EVI5: variants seen among roughly 807,000 people sequenced by gnomAD.
The protein encoded by EVI5 is ecotropic viral integration site 5, also known as ecotropic viral integration site 5 protein homolog.
A neutral mutation model predicts 112.0 loss-of-function variants in EVI5; 73 were observed. The ratio of observed to expected loss-of-function variants is 0.65; its 90% CI spans 0.54 to 0.79. EVI5 has a LOEUF of 0.79. Ranked by LOEUF, EVI5 falls within the 30% of genes least tolerant of loss-of-function variation. The probability of loss-of-function intolerance (pLI) is 0.00; values close to 1 mark genes in which losing one functional copy is unlikely to be tolerated. For synonymous variants in EVI5, 305 were observed against 319.9 expected (o/e 0.95, Z 0.50); for missense variants, 900 against 968.8 (o/e 0.93, Z 0.94).
chr1:92,717,785 G>A (rs1039095161), intron 2 of EVI5, among the ~76,000 whole-genome samples: 2 of 151,936 alleles, frequency 1.3e-5, no homozygotes, highest in African/African-American at 4.8e-5. Flanking sequence ...TCAGTGTGCT[G>A]TATTCAGAAG....
chr1:92,669,845 T>C (rs545382157), intron 10 of EVI5, among the ~76,000 whole-genome samples: 21 of 152,202 alleles, frequency 1.4e-4, no homozygotes, highest in Admixed American at 1.1e-3. Flanking sequence ...TTTTCTAGAA[T>C]AGAGTGCTTC....
intron 18 of EVI5, among the ~76,000 whole-genome samples, chr1:92,589,334 A>G (rs1430106892): frequency 1.3e-5 from 2 of 152,190 alleles, no homozygotes; most frequent in East Asian, 1.9e-4. Context: ...TCACCAGGGA[A>G]GCACAAGGGG....
intron 19 of EVI5, among the ~76,000 whole-genome samples, chr1:92,552,122 G>GAAAAAA (rs143454054): frequency 1.6e-5 from 2 of 123,158 alleles, no homozygotes; most frequent in African/African-American, 3.1e-5. Context: ...GGGCTGTAGG[G>GAAAAAA]AAAAAAAAAA....
At position 92,574,409 on chromosome 1, in the gene EVI5, T is replaced by C. The variant is rs1022079186; in HGVS notation, c.2071-10672A>G. Among the ~76,000 whole-genome samples, 5 of 152,154 alleles carry C rather than the reference T, an allele frequency of 3.3e-5. No homozygotes were observed. In the South Asian group the frequency reaches 6.2e-4, roughly 19 times the overall value. ...ACATACCACTTAAAAAGTTGAACAA[T>C]TAAATGTGATGGTGCATCAACCTAA... On this transcript the variant is annotated intron_variant, in intron 18 of 19. Transcript: ENST00000684568.
At chr1:92,578,512 G>A (rs1226947213) in intron 18 of EVI5, among the ~76,000 whole-genome samples, 1 of 151,854 alleles carries the variant, frequency 6.6e-6, no homozygotes, top group Non-Finnish European at 1.5e-5. Flanking sequence ...TCAGGAGATC[G>A]AGACCATCCT....
chr1:92,590,462 A>C (rs1004227631), intron 18 of EVI5, among the ~76,000 whole-genome samples: 3 of 152,232 alleles, frequency 2.0e-5, no homozygotes, highest in South Asian at 2.1e-4. Context: ...GAACTACGTG[A>C]TGAACGCACA....
intron 16 of EVI5, among the ~76,000 whole-genome samples, chr1:92,612,525 A>G (rs921025754): frequency 5.9e-5 from 9 of 151,990 alleles, no homozygotes; most frequent in Non-Finnish European, 1.3e-4. Flanking sequence ...CCTGGCCAAT[A>G]TGGTGAAACC....
At chr1:92,563,930 T>A (rs902438478) in intron 18 of EVI5, among the ~76,000 whole-genome samples, 193 bp from the exon 19 acceptor site, 2 of 152,182 alleles carry the variant, frequency 1.3e-5, no homozygotes, top group African/African-American at 4.8e-5. Context: ...TTAATTTATT[T>A]ATTTAGAAAC....
chr1:92,745,010 A>G (rs975137334), intron 1 of EVI5, among the ~76,000 whole-genome samples: 10 of 151,892 alleles, frequency 6.6e-5, no homozygotes, highest in Non-Finnish European at 1.3e-4. Context: ...GGCTTGTTGC[A>G]GTCTCAACCT....
chr1:92,772,444 A>G lies in EVI5; in HGVS notation c.-82+12392T>C, dbSNP rs187280426. ...ACCCTGATTCTACTAAAAATACCAA[A>G]AATTAGCCGGGCTTGGTGGCGGGTG... On this transcript the variant is annotated intron_variant, in intron 1 of 19. Transcript: ENST00000684568. Among the ~76,000 whole-genome samples, 155 of 151,880 alleles carry G rather than the reference A, an allele frequency of 1.0e-3. 1 individual carries two copies. The highest frequency in any genetic ancestry group is 3.5e-3 in the African/African-American group (146 of 41,452).
intron 15 of EVI5, among the ~76,000 whole-genome samples, chr1:92,625,063 T>G (rs1180770509): frequency 6.6e-6 from 1 of 152,220 alleles, no homozygotes; most frequent in Non-Finnish European, 1.5e-5. Flanking sequence ...CACTGTAATT[T>G]TTTTAATGAG....
chr1:92,570,952 G>A (rs1476417510), intron 18 of EVI5, among the ~76,000 whole-genome samples: 3 of 151,940 alleles, frequency 2.0e-5, no homozygotes, highest in Non-Finnish European at 2.9e-5. Flanking sequence ...AAAACAGATG[G>A]AATATTTTTA....
At chr1:92,575,019 G>A (rs1186015926) in intron 18 of EVI5, among the ~76,000 whole-genome samples, 1 of 152,308 alleles carries the variant, frequency 6.6e-6, no homozygotes, top group Admixed American at 6.5e-5. Flanking sequence ...CACCTAGTTA[G>A]TGTATCAGAT....
intron 18 of EVI5, among the ~76,000 whole-genome samples, chr1:92,571,671 GTTCA>G (rs2100996037): frequency 6.6e-6 from 1 of 152,212 alleles, no homozygotes; most frequent in East Asian, 1.9e-4. Flanking sequence ...TTCTGGGACA[GTTCA>G]TTCAATTATC....
intron 18 of EVI5, among the ~76,000 whole-genome samples, chr1:92,598,406 G>A (rs758860635): frequency 6.6e-6 from 1 of 151,884 alleles, no homozygotes; most frequent in Non-Finnish European, 1.5e-5. Context: ...AAAAAGAAAT[G>A]TATAATTTAT....
intron 1 of EVI5, among the ~76,000 whole-genome samples, chr1:92,755,562 G>A (rs1299200391): frequency 1.3e-5 from 2 of 152,138 alleles, no homozygotes; most frequent in African/African-American, 2.4e-5. Flanking sequence ...GATACATGTC[G>A]ATGGGCTGAC....
chr1:92,719,448 CAT>C (rs201553954), intron 2 of EVI5, among the ~76,000 whole-genome samples: 3,967 of 152,084 alleles, frequency 0.026, 185 homozygotes, highest in African/African-American at 0.082. Context: ...ACAAAAACCA[CAT>C]GATTATCTCA....
At chr1:92,677,675 G>T (rs1163730974) in intron 9 of EVI5, among the ~76,000 whole-genome samples, 4 of 152,118 alleles carry the variant, frequency 2.6e-5, no homozygotes, top group Admixed American at 6.5e-5. Flanking sequence ...GGAGGAATAA[G>T]GTTAATATAA....
chr1:92,565,948 CAAAAAA>C (rs71586755), intron 18 of EVI5, among the ~76,000 whole-genome samples: 4 of 51,858 alleles, frequency 7.7e-5, no homozygotes, highest in African/African-American at 9.9e-5. Context: ...CCAGCCCGAG[CAAAAAA>C]AAAAAAAAAA....
Sources: gnomAD v4.1 joint callset for allele counts (sites outside exome capture counted in the v4.1 genomes callset) on GRCh38, gnomAD v4.1.1 for gene constraint, MANE v1.5 for transcripts, NCBI Gene and HGNC (gene_info 2026-07-23, HGNC 2026-07-21) for gene names.